ARFGEF2: variants seen among roughly 807,000 people sequenced by gnomAD.
The protein encoded by ARFGEF2 is brefeldin A-inhibited guanine nucleotide-exchange protein 2.
Under a neutral mutation model 219.9 loss-of-function variants are expected in ARFGEF2, and 74 were observed. The observed-to-expected ratio is 0.34, with a 90% confidence interval of 0.28 to 0.41. ARFGEF2 has a LOEUF of 0.41. ARFGEF2 is among the 10% of genes least tolerant of loss of function. ARFGEF2 has a pLI of 1.00. For synonymous variants in ARFGEF2, 733 were observed against 799.2 expected (o/e 0.92, Z 1.40); for missense variants, 1,743 against 2,218.3 (o/e 0.79, Z 4.30).
chr20:48,981,681 T>C (rs1468361947), intron 14 of ARFGEF2, among the ~76,000 whole-genome samples: 1 of 152,204 alleles, frequency 6.6e-6, no homozygotes, highest in Non-Finnish European at 1.5e-5. Context: ...TGTTCGTTTC[T>C]TTTTATTCTT....
chr20:48,932,412 AT>A (rs1290235443), intron 1 of ARFGEF2, among the ~76,000 whole-genome samples: 2 of 152,104 alleles, frequency 1.3e-5, no homozygotes, highest in Non-Finnish European at 2.9e-5. Context: ...AGGTGACCAA[AT>A]TACTGGGCAG....
At chr20:48,977,669 C>T (rs919674419) in intron 14 of ARFGEF2, among the ~76,000 whole-genome samples, 1 of 152,206 alleles carries the variant, frequency 6.6e-6, no homozygotes, top group African/African-American at 2.4e-5. Context: ...GATCGCCATT[C>T]TAACTGGTGT....
intron 25 of ARFGEF2, among the ~76,000 whole-genome samples, chr20:49,002,716 A>G (rs1370617676): frequency 1.3e-5 from 2 of 152,066 alleles, no homozygotes; most frequent in African/African-American, 2.4e-5. Flanking sequence ...GGTTCAAGCA[A>G]TTCTCTTGCC....
Position 48,995,960 on chromosome 20 carries a change from T to G in ARFGEF2, c.3221+78T>G, listed in dbSNP as rs116614375. On this transcript the variant is annotated intron_variant, in intron 23 of 38. Coordinates refer to ENST00000371917, the MANE Select transcript of ARFGEF2 (RefSeq NM_006420.3). ...CTCTGTAGTTACTGGACATGAATGATTCCTAATTTCTTTAACTGATACAAG... is the reference window on the plus strand; with the variant it reads ...CTCTGTAGTTACTGGACATGAATGAGTCCTAATTTCTTTAACTGATACAAG... 1,045 of 1,283,386 alleles carry G rather than the reference T, an allele frequency of 8.1e-4. 8 individuals are homozygous for G. The African/African-American group carries it at 0.013, about 16-fold the overall frequency. The allele number at this position is 1,283,386 out of a possible 1,614,324, so 79.5% of individuals were successfully genotyped here.
At chr20:49,010,109 C>G (rs1412236690) in intron 26 of ARFGEF2, 123 bp from the exon 27 acceptor site, 1 of 1,249,468 alleles carries the variant, frequency 8.0e-7, no homozygotes, top group African/African-American at 1.5e-5. Context: ...GGGCAGAGCC[C>G]AAATGTGGAT....
intron 26 of ARFGEF2, among the ~76,000 whole-genome samples, chr20:49,009,766 TAAG>T (rs2091484807): frequency 6.6e-6 from 1 of 152,208 alleles, no homozygotes; most frequent in East Asian, 1.9e-4. Context: ...CCAAAAATCT[TAAG>T]AAGATACACA....
intron 26 of ARFGEF2, among the ~76,000 whole-genome samples, chr20:49,009,141 G>C (rs750586107): frequency 1.3e-5 from 2 of 152,118 alleles, no homozygotes; most frequent in Non-Finnish European, 2.9e-5. Context: ...TCTCCATGGG[G>C]AGACAACCAT....
In ARFGEF2 at chr20:48,998,367, C is replaced by T; in HGVS notation, c.3294C>T (p.Ser1098=). ...VDFVRWLCAV[S]MDELASPHHP... is the part of the protein sequence containing the mutation. The stretch of plus-strand genomic sequence containing the variant: ...TTGTCCGCTGGCTGTGTGCTGTGTC[C>T]ATGGATGAACTGGCTTCCCCCCACC... The change falls in exon 25 of 39, where the codon TCC becomes TCT. Residue 1098 remains serine (S), a synonymous_variant. Coordinates refer to ENST00000371917, the MANE Select transcript of ARFGEF2 (RefSeq NM_006420.3). 2.5e-6 allele frequency: 4 copies of T among 1,614,058 alleles called. No individual in the cohort carries two copies. In the South Asian group the frequency reaches 3.3e-5, roughly 13 times the overall value.
At chr20:48,940,550 T>G (rs1298565610) in intron 1 of ARFGEF2, among the ~76,000 whole-genome samples, 1 of 152,256 alleles carries the variant, frequency 6.6e-6, no homozygotes, top group East Asian at 1.9e-4. Context: ...GTCAGCTAAC[T>G]GTCATGAACA....
chr20:49,007,489 A>G (rs1357277992), intron 26 of ARFGEF2, among the ~76,000 whole-genome samples: 1 of 151,210 alleles, frequency 6.6e-6, no homozygotes, highest in Non-Finnish European at 1.5e-5. Flanking sequence ...GGGTTTCACC[A>G]TGCTGGTCAG....
In ARFGEF2 at chr20:49,005,138, G is replaced by A. The variant is rs2091449878; in HGVS notation, c.3501G>A (p.Lys1167=). Residue 1167 remains lysine, a synonymous_variant, in exon 26 of 39, where the codon AAG becomes AAA. Transcript: ENST00000371917. ...ACTCATTAAGGCAACTCTCCATGAA[G>A]TTTCTTGAGAAGGGTGAATTAGCCA... ...AVDSLRQLSM[K]FLEKGELANF... is the part of the protein sequence containing the mutation. The A allele has an allele frequency of 1.2e-6, 2 of 1,614,166 alleles. No homozygotes were observed. Among genetic ancestry groups the A allele is most frequent in the Middle Eastern group, 1.6e-4 (1 of 6,062 alleles).
intron 25 of ARFGEF2, among the ~76,000 whole-genome samples, chr20:49,004,047 A>G (rs1161181795): frequency 2.6e-5 from 4 of 152,138 alleles, no homozygotes; most frequent in Admixed American, 6.5e-5. Flanking sequence ...TTTAATGGAT[A>G]TAGAGTTTCA....
At position 48,969,102 on chromosome 20, in the gene ARFGEF2, A is replaced by T. The variant is rs753367446; in HGVS notation, c.1060-45A>T. The T allele has an allele frequency of 1.3e-5, 21 of 1,600,480 alleles. 2 individuals are homozygous for T. In the South Asian group the frequency reaches 2.1e-4, roughly 16 times the overall value. On this transcript the variant is annotated intron_variant, in intron 8 of 38. Coordinates refer to ENST00000371917, the MANE Select transcript of ARFGEF2 (RefSeq NM_006420.3). ...CAGCCTCTGGAGTAGCTGGGACTAC[A>T]GGTGGGTGCCACCACACCCAGCTGA...
At chr20:48,952,545 A>C (rs747807285) in intron 4 of ARFGEF2, among the ~76,000 whole-genome samples, 160 bp from the exon 5 acceptor site, 1 of 152,186 alleles carries the variant, frequency 6.6e-6, no homozygotes, top group Non-Finnish European at 1.5e-5. Context: ...GCTCTTCATA[A>C]TAATCACCTA....
At chr20:49,015,333 C>G (rs1356384563) in intron 30 of ARFGEF2, among the ~76,000 whole-genome samples, 2 of 152,130 alleles carry the variant, frequency 1.3e-5, no homozygotes, top group Non-Finnish European at 2.9e-5. Flanking sequence ...AGGCTGGTCT[C>G]AAACTCCTGA....
At chr20:49,008,622 G>A (rs959567327) in intron 26 of ARFGEF2, among the ~76,000 whole-genome samples, 8 of 151,584 alleles carry the variant, frequency 5.3e-5, no homozygotes, top group African/African-American at 1.9e-4. Context: ...TAGAGAAATG[G>A]ACAGGTTATA....
rs531489883 is a variant in ARFGEF2 at position 48,973,110 on chromosome 20, T to A, written c.1526-35T>A. Reference sequence around the variant, plus strand: ...ATAAGAAAACCTAACTGCTATTTGATCAGAATTTCTGATACTTGTATGTTA... The same window carrying A: ...ATAAGAAAACCTAACTGCTATTTGAACAGAATTTCTGATACTTGTATGTTA... On this transcript the variant is annotated intron_variant, in intron 11 of 38. Coordinates refer to ENST00000371917, the MANE Select transcript of ARFGEF2 (RefSeq NM_006420.3). The A allele has an allele frequency of 8.1e-6, 13 of 1,613,590 alleles. No homozygotes were observed. The African/African-American group carries it at 1.7e-4, about 21-fold the overall frequency.
At position 49,033,343 on chromosome 20, in the gene ARFGEF2, G is replaced by T; in HGVS notation, c.*144G>T. The T allele has an allele frequency of 1.2e-6, 1 of 857,018 alleles. No individual in the cohort carries two copies. Among genetic ancestry groups the T allele is most frequent in the Non-Finnish European group, 1.8e-6 (1 of 540,872 alleles). The allele number at this position is 857,018 out of a possible 1,614,324, so 53.1% of individuals were successfully genotyped here. ...CCTGGAAACGGATGGCCTCTACGCTGTTCCATCACAGTCTCCAACTAAGGC... is the reference window on the plus strand; with the variant it reads ...CCTGGAAACGGATGGCCTCTACGCTTTTCCATCACAGTCTCCAACTAAGGC... On this transcript the variant is annotated 3_prime_UTR_variant, in exon 39 of 39. Transcript: ENST00000371917.
chr20:48,961,136 A>T (rs1473246951), intron 6 of ARFGEF2, among the ~76,000 whole-genome samples: 1 of 143,106 alleles, frequency 7.0e-6, no homozygotes, highest in Non-Finnish European at 1.6e-5. Context: ...TAATAAATTA[A>T]TTTTAGCTTA....
Sources: gnomAD v4.1 joint callset for allele counts (sites outside exome capture counted in the v4.1 genomes callset) on GRCh38, gnomAD v4.1.1 for gene constraint, MANE v1.5 for transcripts, NCBI Gene and HGNC (gene_info 2026-07-23, HGNC 2026-07-21) for gene names.